The following LSR variants were observed in gnomAD, a reference collection of about 807,000 sequenced individuals.
LSR encodes the protein lipolysis-stimulated lipoprotein receptor.
A neutral mutation model predicts 61.8 loss-of-function variants in LSR; 44 were observed. The observed-to-expected ratio is 0.71, with a 90% CI of 0.56 to 0.91. LSR has a LOEUF of 0.91. LSR is among the 40% of genes least tolerant of loss of function. The pLI, the probability that LSR is intolerant of heterozygous loss-of-function variation, is 0.00. For synonymous variants in LSR, 397 were observed against 350.6 expected (o/e 1.13, Z -1.48); for missense variants, 911 against 830.5 (o/e 1.10, Z -1.19).
At chr19:35,260,514 C>T (rs2065913765) in intron 3 of LSR, among the ~76,000 whole-genome samples, 1 of 151,792 alleles carries the variant, frequency 6.6e-6, no homozygotes, top group Admixed American at 6.6e-5. Flanking sequence ...AGGATGGTCT[C>T]GATCTCCTGA....
intron 5 of LSR, chr19:35,262,913 G>A (rs1415805389): frequency 6.9e-6 from 4 of 575,966 alleles, no homozygotes; most frequent in Non-Finnish European, 1.2e-5. Context: ...TCTTTTGTAA[G>A]TATAATCCAT....
chr19:35,254,101 G>A (rs2065828062), intron 2 of LSR, among the ~76,000 whole-genome samples: 1 of 152,134 alleles, frequency 6.6e-6, no homozygotes, highest in Non-Finnish European at 1.5e-5. Context: ...ACTGTGCTGG[G>A]GTTTTTCTGT....
Position 35,259,025 on chromosome 19 carries a change from C to G in LSR, c.535C>G (p.Gln179Glu). 6.2e-7 allele frequency: 1 copy of G among 1,614,084 alleles called. No individual in the cohort carries two copies. The highest frequency in any genetic ancestry group is 1.7e-4 in the Middle Eastern group (1 of 6,056). The change falls in exon 3 of 10, where the codon CAG becomes GAG. Residue 179 changes from glutamine to glutamate, a missense_variant. Gln to Glu is a conservative substitution (Grantham distance 29). Coordinates refer to ENST00000605618, the MANE Select transcript of LSR (RefSeq NM_205834.4). Reference protein sequence around the residue: ...YCSVVSAQDLQGNNEAYAELI... With the variant: ...YCSVVSAQDLEGNNEAYAELI... ...CTCCGTGGTCTCAGCCCAGGACCTC[C>G]AGGGGAACAATGAGGCCTACGCAGA...
Position 35,249,125 on chromosome 19 carries a change from T to C in LSR, c.103T>C (p.Cys35Arg). The C allele has an allele frequency of 1.3e-6, 2 of 1,541,668 alleles. 1 individual carries two copies. The highest frequency in any genetic ancestry group is 4.9e-5 in the East Asian group (2 of 40,990). ...VFVWLLLSTW[C>R]TAPARAIQVT... ...CGTGTGGCTTCTGCTTAGCACCTGGTGCACAGGTACGGGGCACGGGGCCTC... is the reference window on the plus strand; with the variant it reads ...CGTGTGGCTTCTGCTTAGCACCTGGCGCACAGGTACGGGGCACGGGGCCTC... Residue 35 changes from cysteine to arginine, a missense_variant, in exon 1 of 10, where the codon TGC becomes CGC. By Grantham distance (180) the Cys-to-Arg change is radical (BLOSUM62 -3). Transcript: ENST00000605618.
rs2066052097 is a variant in LSR, at chr19:35,267,940, A to C, written c.*81A>C. 1 of 1,499,498 alleles carries C rather than the reference A, an allele frequency of 6.7e-7. No individual in the cohort carries two copies. Among genetic ancestry groups the C allele is most frequent in the Non-Finnish European group, 9.2e-7 (1 of 1,082,088 alleles). 92.9% of individuals were successfully genotyped at this position (1,499,498 alleles called of 1,614,324 possible). On this transcript the variant is annotated 3_prime_UTR_variant, in exon 10 of 10. Transcript: ENST00000605618. ...ATGAAGCCCTGCCATACCCCTCCCG[A>C]GTCTAATAAAACGTATAATCACAAG...
At position 35,256,699 on chromosome 19, in the gene LSR, GATGAATGA is replaced by G. The variant is rs71167530; in HGVS notation, c.455-2220_455-2213del. ...TGGTACTCAGTAATTATTGTTGAAG[GATGAATGA>G]ATGAATGAATGAATGAATGAATGAA... On this transcript the variant is annotated intron_variant, in intron 2 of 9. Transcript: ENST00000605618. 7.7e-3 allele frequency among the ~76,000 whole-genome samples: 1,158 copies of G among 150,714 alleles called. 13 individuals carry two copies. The highest frequency in any genetic ancestry group is 0.026 in the African/African-American group (1,080 of 40,838).
intron 2 of LSR, among the ~76,000 whole-genome samples, chr19:35,252,407 G>C (rs1221846691): frequency 6.6e-6 from 1 of 152,022 alleles, no homozygotes. Context: ...TCAGCACTTT[G>C]GGAGGCCAAG....
chr19:35,266,306 G>T lies in LSR; in HGVS notation c.779-53G>T, dbSNP rs55865369. The stretch of plus-strand genomic sequence containing the variant: ...TCCCTCCGGAACCCAATGGGTATGG[G>T]GCAGCCTGGCTCCTGCCTCATCCCC... On this transcript the variant is annotated intron_variant, in intron 5 of 9. Coordinates refer to ENST00000605618, the MANE Select transcript of LSR (RefSeq NM_205834.4). 4.5e-3 allele frequency: 6,616 copies of T among 1,484,762 alleles called. 248 individuals are homozygous for T. In the African/African-American group the frequency reaches 0.08, roughly 18 times the overall value. The allele number at this position is 1,484,762 out of a possible 1,614,324, so 92.0% of individuals were successfully genotyped here.
At chr19:35,262,960 G>C in intron 5 of LSR, 1 of 417,668 alleles carries the variant, frequency 2.4e-6, no homozygotes, top group Non-Finnish European at 4.3e-6. Flanking sequence ...CAAGATACTA[G>C]TCACATGGAA....
rs975308383 is a variant in LSR at position 35,267,683 on chromosome 19, C to T, written c.1719C>T (p.Pro573=). The part of the protein sequence containing the change: ...EEEAYYPPAP[P]PYSETDSQAS... ...AGGCCTACTACCCGCCCGCGCCGCCCCCGTACTCGGAGACCGACTCGCAGG... is the reference window on the plus strand; with the variant it reads ...AGGCCTACTACCCGCCCGCGCCGCCTCCGTACTCGGAGACCGACTCGCAGG... The change falls in exon 9 of 10, where the codon CCC becomes CCT. Residue 573 remains proline (P), a synonymous_variant. Transcript: ENST00000605618. 1 of 1,602,236 alleles carries T rather than the reference C, an allele frequency of 6.2e-7. No homozygotes were observed. Among genetic ancestry groups the T allele is most frequent in the African/African-American group, 1.4e-5 (1 of 73,528 alleles).
chr19:35,267,265 G>A lies in LSR; in HGVS notation c.1301G>A (p.Gly434Glu). ...GAGCCCGCCAGGGAGCAGGCAGGCG[G>A]GGGCTGGCGGGCCAGGCGGCCCCGG... ...DQEPAREQAG[G>E]GWRARRPRAR... Residue 434 changes from glycine to glutamate, a missense_variant, in exon 9 of 10, where the codon GGG (glycine) becomes GAG (glutamate). Physicochemically the swap from Gly to Glu is moderately conservative, Grantham distance 98 (BLOSUM62 -2). Transcript: ENST00000605618. 6.6e-7 allele frequency: 1 copy of A among 1,520,268 alleles called. No individual in the cohort carries two copies. Among genetic ancestry groups the A allele is most frequent in the Non-Finnish European group, 8.8e-7 (1 of 1,134,474 alleles). The allele number at this position is 1,520,268 out of a possible 1,614,324, so 94.2% of individuals were successfully genotyped here.
chr19:35,263,524 T>G (rs2065958401), intron 5 of LSR, among the ~76,000 whole-genome samples: 1 of 151,932 alleles, frequency 6.6e-6, no homozygotes, highest in Non-Finnish European at 1.5e-5. Context: ...CCCAGCTAAT[T>G]TTTTGATTTT....
At chr19:35,252,124 G>A (rs1364413603) in intron 2 of LSR, among the ~76,000 whole-genome samples, 5 of 151,576 alleles carry the variant, frequency 3.3e-5, no homozygotes, top group African/African-American at 1.2e-4. Context: ...GTGAGCCACC[G>A]CGCCCGGCCC....
Position 35,267,458 on chromosome 19 carries a change from C to A in LSR, c.1494C>A (p.Ser498=), listed in dbSNP as rs780894469. The A allele has an allele frequency of 3.7e-6, 6 of 1,610,602 alleles. No homozygotes were observed. Among genetic ancestry groups the A allele is most frequent in the Non-Finnish European group, 5.1e-6 (6 of 1,179,450 alleles). ...ACGACTCGAGGGACTTCCCACGCTC[C>A]CGGGACCCCCACTACGACGACTTCA... The part of the protein sequence containing the change: ...DQDDSRDFPR[S]RDPHYDDFRS... The change falls in exon 9 of 10, where the codon TCC becomes TCA. Residue 498 remains serine, a synonymous_variant. Coordinates refer to ENST00000605618, the MANE Select transcript of LSR (RefSeq NM_205834.4).
Position 35,267,886 on chromosome 19 carries a change from A to ATTTTTT in LSR, c.*33_*38dup. The stretch of plus-strand genomic sequence containing the variant: ...CTGACGTTTTCTACGTAGCTTTTGT[A>ATTTTTT]TTTTTTTTTTTAATTTGAAGGAACA... On this transcript the variant is annotated 3_prime_UTR_variant, in exon 10 of 10. Coordinates refer to ENST00000605618, the MANE Select transcript of LSR (RefSeq NM_205834.4). 7 of 1,322,126 alleles carry ATTTTTT rather than the reference A, an allele frequency of 5.3e-6. No individual in the cohort carries two copies. Among genetic ancestry groups the ATTTTTT allele is most frequent in the Non-Finnish European group, 5.2e-6 (5 of 960,082 alleles). The allele number at this position is 1,322,126 out of a possible 1,614,324, so 81.9% of individuals were successfully genotyped here.
chr19:35,260,038 G>A (rs574306845), intron 3 of LSR, among the ~76,000 whole-genome samples: 3 of 152,216 alleles, frequency 2.0e-5, no homozygotes, highest in Admixed American at 6.5e-5. Context: ...GAATGAGCAC[G>A]TGACTGGGGG....
intron 4 of LSR, 97 bp from the exon 5 acceptor site, chr19:35,262,449 C>T (rs2065942513): frequency 1.3e-5 from 18 of 1,405,672 alleles, no homozygotes; most frequent in Admixed American, 7.2e-5. Flanking sequence ...AAATCGTCCC[C>T]GACCTCAGTG....
At chr19:35,261,545 T>C (rs2065928824) in intron 3 of LSR, among the ~76,000 whole-genome samples, 1 of 152,102 alleles carries the variant, frequency 6.6e-6, no homozygotes, top group African/African-American at 2.4e-5. Flanking sequence ...GAGATCCTAT[T>C]TCGTGGGCCC....
chr19:35,267,485 G>C lies in LSR; in HGVS notation c.1521G>C (p.Arg507Ser). 6.2e-7 allele frequency: 1 copy of C among 1,610,956 alleles called. No individual in the cohort carries two copies. Among genetic ancestry groups the C allele is most frequent in the Non-Finnish European group, 8.5e-7 (1 of 1,179,564 alleles). Residue 507 changes from arginine to serine, a missense_variant, in exon 9 of 10, where the codon AGG (arginine) becomes AGC (serine). Arg to Ser is a moderately radical substitution (Grantham distance 110). Coordinates refer to ENST00000605618, the MANE Select transcript of LSR (RefSeq NM_205834.4). ...GGGACCCCCACTACGACGACTTCAG[G>C]TCTCGGGAGCGCCCTCCTGCCGACC... The part of the protein sequence containing the change: ...RSRDPHYDDF[R>S]SRERPPADPR...
Sources: allele counts gnomAD v4.1 joint callset (sites outside exome capture counted in the v4.1 genomes callset), GRCh38; gene constraint gnomAD v4.1.1; transcripts MANE v1.5; gene names NCBI Gene and HGNC (gene_info 2026-07-23, HGNC 2026-07-21).